KIF18A: variants seen among roughly 807,000 people sequenced by gnomAD.
The protein encoded by KIF18A is kinesin family member 18A.
In KIF18A, 67 loss-of-function variants were observed where a neutral mutation model predicts 103.3. The ratio of observed to expected loss-of-function variants is 0.65; its 90% CI spans 0.53 to 0.79. The LOEUF (loss-of-function observed/expected upper bound fraction) is 0.79. Ranked by LOEUF, KIF18A falls within the 30% of genes least tolerant of loss-of-function variation. KIF18A has a pLI of 0.00. For synonymous variants in KIF18A, 367 were observed against 355.5 expected, an observed-to-expected ratio of 1.03 and a Z score of -0.36; for missense variants, 1,032 against 1,062.5, an observed-to-expected ratio of 0.97 and a Z score of 0.40.
intron 9 of KIF18A, among the ~76,000 whole-genome samples, chr11:28,081,540 C>T (rs891914466): frequency 1.1e-4 from 16 of 152,052 alleles, no homozygotes; most frequent in African/African-American, 3.9e-4. Context: ...ATTTTAAGCC[C>T]ACTGTTAAGA....
chr11:28,049,153 A>C (rs1175899374), intron 13 of KIF18A, among the ~76,000 whole-genome samples: 1 of 152,130 alleles, frequency 6.6e-6, no homozygotes, highest in Non-Finnish European at 1.5e-5. Context: ...AAATATTTTA[A>C]AATAAATTAA....
chr11:28,020,999 T>A lies in KIF18A; in HGVS notation c.*201A>T, dbSNP rs1265338079. On this transcript the variant is annotated 3_prime_UTR_variant, in exon 17 of 17. Coordinates refer to ENST00000263181, the MANE Select transcript of KIF18A (RefSeq NM_031217.4). Reference sequence around the variant, plus strand: ...TATTTAAAAAACTTAAAAGACAACCTTTTCTTTTGAAATTTTATTTTTTTA... The same window carrying A: ...TATTTAAAAAACTTAAAAGACAACCATTTCTTTTGAAATTTTATTTTTTTA... The A allele has an allele frequency of 7.3e-6, 3 of 409,030 alleles. No homozygotes were observed. Among genetic ancestry groups the A allele is most frequent in the Non-Finnish European group, 1.1e-5 (3 of 267,410 alleles). 25.3% of individuals were successfully genotyped at this position (409,030 alleles called of 1,614,324 possible). A position where few individuals can be genotyped will look rare whatever the true frequency, so the allele number is the denominator to read the frequency against.
At chr11:28,042,346 A>T (rs1271376393) in intron 13 of KIF18A, among the ~76,000 whole-genome samples, 2 of 151,862 alleles carry the variant, frequency 1.3e-5, no homozygotes, top group East Asian at 1.9e-4. Context: ...TAGGCACCCT[A>T]CTGTCTCTGC....
intron 1 of KIF18A, among the ~76,000 whole-genome samples, chr11:28,106,211 T>C (rs1157358493): frequency 6.6e-6 from 1 of 152,148 alleles, no homozygotes; most frequent in African/African-American, 2.4e-5. Flanking sequence ...CCTTAACGGG[T>C]ACAAATCTAA....
intron 1 of KIF18A, among the ~76,000 whole-genome samples, chr11:28,099,439 T>C (rs1851418821): frequency 6.6e-6 from 1 of 152,078 alleles, no homozygotes; most frequent in African/African-American, 2.4e-5. Flanking sequence ...CATGGTTAAT[T>C]GCTAAGAGTA....
chr11:28,069,359 C>T lies in KIF18A; in HGVS notation c.1490G>A (p.Arg497Lys). 2 of 1,613,658 alleles carry T rather than the reference C, an allele frequency of 1.2e-6. No homozygotes were observed. The highest frequency in any genetic ancestry group is 1.7e-6 in the Non-Finnish European group (2 of 1,179,760). ...AAATTGCTTCAATTCCTCCTCCCTC[C>T]TTTTCTCCAGGTAGGAGCGACGAGT... ...LKTRRSYLEKRREEELKQFDE... is the reference protein window; with the variant it reads ...LKTRRSYLEKKREEELKQFDE... The change falls in exon 11 of 17, where the codon AGG (arginine) becomes AAG (lysine). Residue 497 changes from arginine (R) to lysine (K), a missense_variant. Transcript: ENST00000263181.
rs1035973368 is a variant in KIF18A, at chr11:28,098,008, G to A, written c.-46-15C>T. The A allele has an allele frequency of 7.9e-7, 1 of 1,273,364 alleles. No individual in the cohort carries two copies. The highest frequency in any genetic ancestry group is 1.1e-6 in the Non-Finnish European group (1 of 928,732). The allele number at this position is 1,273,364 out of a possible 1,614,324, so 78.9% of individuals were successfully genotyped here. A position where few individuals can be genotyped will look rare whatever the true frequency, so the allele number is the denominator to read the frequency against. ...TGAATACTTCTCTGAAATTAAAAAA[G>A]AAAATAAAGTTTTAATATCAGTTTT... On this transcript the variant is annotated splice_polypyrimidine_tract_variant and intron_variant, in intron 1 of 16. Transcript: ENST00000263181.
chr11:28,102,059 A>G (rs1851452272), intron 1 of KIF18A, among the ~76,000 whole-genome samples: 1 of 152,184 alleles, frequency 6.6e-6, no homozygotes, highest in Admixed American at 6.5e-5. Context: ...AAGCCTTGAA[A>G]TTGCCCTGCA....
intron 11 of KIF18A, among the ~76,000 whole-genome samples, chr11:28,066,542 C>T (rs1216069581): frequency 6.6e-6 from 1 of 151,648 alleles, no homozygotes; most frequent in Non-Finnish European, 1.5e-5. Flanking sequence ...GTCATTATAT[C>T]ATCTTAAGAT....
intron 15 of KIF18A, among the ~76,000 whole-genome samples, chr11:28,027,496 C>T (rs1054196767): frequency 1.3e-5 from 2 of 151,742 alleles, no homozygotes; most frequent in Non-Finnish European, 1.5e-5. Flanking sequence ...TCAAATATTA[C>T]TTTTCCCTAT....
Position 28,036,307 on chromosome 11 carries a change from G to A in KIF18A, c.2306C>T (p.Thr769Ile). Residue 769 changes from threonine (T) to isoleucine (I), a missense_variant, in exon 14 of 17, where the codon ACA becomes ATA. Transcript: ENST00000263181. ...KECGQEDLDS[T>I]FTICEDIKSS... ...CTTGATGTCTTCACATATAGTAAAT[G>A]TAGAGTCCAAGTCCTCCTGTCCACA... 1.2e-6 allele frequency: 2 copies of A among 1,610,530 alleles called. No individual in the cohort carries two copies. Among genetic ancestry groups the A allele is most frequent in the Non-Finnish European group, 1.7e-6 (2 of 1,177,728 alleles).
At chr11:28,061,769 GA>G (rs1850859198) in intron 12 of KIF18A, among the ~76,000 whole-genome samples, 1 of 152,074 alleles carries the variant, frequency 6.6e-6, no homozygotes, top group African/African-American at 2.4e-5. Flanking sequence ...AGCACTTAGA[GA>G]AATAAATATC....
intron 7 of KIF18A, chr11:28,084,369 T>TACCCAATACA (rs1851200491): frequency 6.4e-6 from 1 of 156,410 alleles, no homozygotes; most frequent in Non-Finnish European, 1.4e-5. Flanking sequence ...ATCAAAGAGG[T>TACCCAATACA]TAGGGAGAAA....
At chr11:28,045,056 C>G (rs952778456) in intron 13 of KIF18A, among the ~76,000 whole-genome samples, 1 of 151,980 alleles carries the variant, frequency 6.6e-6, no homozygotes, top group African/African-American at 2.4e-5. Context: ...CATTCACTAT[C>G]TCTCAAATGT....
chr11:28,103,732 GA>G, intron 1 of KIF18A, among the ~76,000 whole-genome samples: 1 of 152,048 alleles, frequency 6.6e-6, no homozygotes, highest in South Asian at 2.1e-4. Flanking sequence ...ACTTAGAGTA[GA>G]AGGAAAAAGA....
chr11:28,075,759 G>A (rs1287844955), intron 10 of KIF18A, among the ~76,000 whole-genome samples: 2 of 152,076 alleles, frequency 1.3e-5, no homozygotes, highest in East Asian at 1.9e-4. Context: ...TTGAGAATCT[G>A]TTTCTCTTAA....
Position 28,042,773 on chromosome 11 carries a change from G to A in KIF18A, c.1949-6109C>T, listed in dbSNP as rs541676087. On this transcript the variant is annotated intron_variant, in intron 13 of 16. Coordinates refer to ENST00000263181, the MANE Select transcript of KIF18A (RefSeq NM_031217.4). ...GATAACCTGAATAGAGGCATCTAGCGCCCACTCAGATTCCCTTTAAAATGA... is the reference window on the plus strand; with the variant it reads ...GATAACCTGAATAGAGGCATCTAGCACCCACTCAGATTCCCTTTAAAATGA... 4.0e-5 allele frequency among the ~76,000 whole-genome samples: 6 copies of A among 151,652 alleles called. 1 individual carries two copies. The highest frequency in any genetic ancestry group is 2.1e-4 in the South Asian group (1 of 4,808).
At chr11:28,064,756 A>T (rs1480389620) in intron 11 of KIF18A, among the ~76,000 whole-genome samples, 2 of 152,130 alleles carry the variant, frequency 1.3e-5, no homozygotes, top group African/African-American at 4.8e-5. Flanking sequence ...TCAAGTTTAC[A>T]ATTTAAGTCT....
intron 6 of KIF18A, among the ~76,000 whole-genome samples, chr11:28,085,543 A>ATC (rs113410758): frequency 3.9e-5 from 6 of 152,164 alleles, no homozygotes; most frequent in Middle Eastern, 3.4e-3. Flanking sequence ...TGTATGCGCC[A>ATC]TCTCTCTCTC....
Sources: allele counts gnomAD v4.1 joint callset (sites outside exome capture counted in the v4.1 genomes callset), GRCh38; gene constraint gnomAD v4.1.1; transcripts MANE v1.5; gene names NCBI Gene and HGNC (gene_info 2026-07-23, HGNC 2026-07-21).